Variants in XPC observed in about 807,000 individuals in gnomAD.
XPC encodes the protein DNA repair protein complementing XP-C cells.
A neutral mutation model predicts 95.8 loss-of-function variants in XPC; 76 were observed. That is an observed-to-expected ratio of 0.79 (90% CI 0.66 to 0.96). The LOEUF is 0.96. Ranked by LOEUF, XPC falls within the 40% of genes least tolerant of loss-of-function variation. XPC has a pLI of 0.00. For synonymous variants in XPC, 442 were observed against 442.1 expected (o/e 1.00, Z 0.00); for missense variants, 1,146 against 1,179.8 (o/e 0.97, Z 0.42).
intron 2 of XPC, among the ~76,000 whole-genome samples, chr3:14,170,787 A>C (rs1696580636): frequency 6.6e-6 from 1 of 152,248 alleles, no homozygotes; most frequent in African/African-American, 2.4e-5. Context: ...AAAACCTACA[A>C]TCTAGATCGT....
Position 14,178,601 on chromosome 3 carries a change from T to C in XPC, c.-33A>G. On this transcript the variant is annotated 5_prime_UTR_variant, in exon 1 of 16. Transcript: ENST00000285021. Reference sequence around the variant, plus strand: ...GTCTGGGCAAATTCCACTTCGCGAGTGACGCACCCGGCCGCGATGCGCTAG... The same window carrying C: ...GTCTGGGCAAATTCCACTTCGCGAGCGACGCACCCGGCCGCGATGCGCTAG... 2 of 1,611,510 alleles carry C rather than the reference T, an allele frequency of 1.2e-6. No individual in the cohort carries two copies. The highest frequency in any genetic ancestry group is 1.1e-5 in the South Asian group (1 of 91,046).
At chr3:14,170,173 C>T (rs1696551315) in intron 3 of XPC, among the ~76,000 whole-genome samples, 2 of 152,220 alleles carry the variant, frequency 1.3e-5, no homozygotes, top group Non-Finnish European at 2.9e-5. Context: ...AAAGCCTGTG[C>T]TCCTTCTCCT....
chr3:14,165,335 AG>A (rs1438102587), intron 6 of XPC, 92 bp downstream of exon 6: 9 of 1,437,388 alleles, frequency 6.3e-6, no homozygotes, highest in Non-Finnish European at 8.4e-6. Flanking sequence ...TTACCGCCTC[AG>A]GGAAGGTCTG....
chr3:14,146,504 T>C (rs1559367349), intron 15 of XPC, among the ~76,000 whole-genome samples: 1 of 152,152 alleles, frequency 6.6e-6, no homozygotes. Context: ...CCAAAGCACA[T>C]GATGTCTTGA....
rs759651595 is a variant in XPC, at chr3:14,172,993, C to T, written c.173G>A (p.Arg58Lys). The change falls in exon 2 of 16, where the codon AGA becomes AAA. Residue 58 changes from arginine to lysine, a missense_variant. Coordinates refer to ENST00000285021, the MANE Select transcript of XPC (RefSeq NM_004628.5). ...TGAACCCCCAGGATGACTGCAGCCT[C>T]TTTTCCTCTTTCCTTGTGAAACTTT... Reference protein sequence around the residue: ...LSKVSQGKRKRGCSHPGGSAD... With the variant: ...LSKVSQGKRKKGCSHPGGSAD... 6.2e-7 allele frequency: 1 copy of T among 1,612,802 alleles called. No individual in the cohort carries two copies. Among genetic ancestry groups the T allele is most frequent in the East Asian group, 2.2e-5 (1 of 44,882 alleles).
At position 14,154,589 on chromosome 3, in the gene XPC, T is replaced by C. The variant is rs1272014270; in HGVS notation, c.2033+1746A>G. Among the ~76,000 whole-genome samples, 9 of 152,170 alleles carry C rather than the reference T, an allele frequency of 5.9e-5. No homozygotes were observed. The East Asian group carries it at 1.7e-3, about 29-fold the overall frequency. ...ATGATTCCACCTACATGGGTCCCTA[T>C]AGTAGGCACACTCAGAGACAGAAAG... On this transcript the variant is annotated intron_variant, in intron 10 of 15. Transcript: ENST00000285021.
intron 9 of XPC, among the ~76,000 whole-genome samples, 175 bp from the exon 10 acceptor site, chr3:14,156,670 G>A (rs947307775): frequency 6.6e-6 from 1 of 152,236 alleles, no homozygotes; most frequent in Non-Finnish European, 1.5e-5. Context: ...GTCAGTTACA[G>A]ATCAATCAAA....
chr3:14,153,307 C>T (rs1695772527), intron 10 of XPC: 1 of 152,236 alleles, frequency 6.6e-6, no homozygotes, highest in Non-Finnish European at 1.5e-5. Flanking sequence ...AGACAGTCCC[C>T]AAAGTCCAGT....
At chr3:14,155,051 C>T (rs2125019696) in intron 10 of XPC, among the ~76,000 whole-genome samples, 1 of 152,314 alleles carries the variant, frequency 6.6e-6, no homozygotes, top group East Asian at 1.9e-4. Flanking sequence ...CCCAGGCCCC[C>T]TGCTGCCTTT....
At chr3:14,152,481 A>G (rs1012847803) in intron 10 of XPC, 65 bp from the exon 11 acceptor site, 23 of 1,489,390 alleles carry the variant, frequency 1.5e-5, no homozygotes, top group African/African-American at 2.8e-5. Context: ...AATGCGGGAC[A>G]GTGGAGAGCG....
chr3:14,158,055 A>G lies in XPC; in HGVS notation c.1828T>C (p.Tyr610His), dbSNP rs1482420699. 1.2e-6 allele frequency: 2 copies of G among 1,611,480 alleles called. No homozygotes were observed. Among genetic ancestry groups the G allele is most frequent in the Admixed American group, 3.3e-5 (2 of 59,978 alleles). ...AEWWAETLRPYQSPFMDREKK... is the reference protein window; with the variant it reads ...AEWWAETLRPHQSPFMDREKK... The stretch of plus-strand genomic sequence containing the variant: ...TCCCTGTCCATAAATGGGCTCTGGT[A>G]TGGTCTCAAGGTCTCGGCCCACCAC... The change falls in exon 9 of 16, where the codon TAC (tyrosine) becomes CAC (histidine). Residue 610 changes from tyrosine to histidine, a missense_variant. By Grantham distance (83) the Tyr-to-His change is moderately conservative. Coordinates refer to ENST00000285021, the MANE Select transcript of XPC (RefSeq NM_004628.5). This position sits in a 1 kb window ranked among gnomAD's most constrained non-coding sequence, Gnocchi z 5.2.
chr3:14,154,410 G>A (rs1695818436), intron 10 of XPC, among the ~76,000 whole-genome samples: 1 of 152,206 alleles, frequency 6.6e-6, no homozygotes, highest in Non-Finnish European at 1.5e-5. Flanking sequence ...AGTGCCCATT[G>A]ATGGATGAAG....
Position 14,158,267 on chromosome 3 carries a change from T to A in XPC, c.1616A>T (p.Glu539Val). 2 of 1,614,022 alleles carry A rather than the reference T, an allele frequency of 1.2e-6. No homozygotes were observed. Among genetic ancestry groups the A allele is most frequent in the Non-Finnish European group, 1.7e-6 (2 of 1,179,892 alleles). ...ACAGTCTACACATACCCACTTTTCC[T>A]CCTGCTCACAGAACACCTCTAGCCA... ...DQWLEVFCEQ[E>V]EKWVCVDCVH... The change falls in exon 9 of 16, where the codon GAG (glutamate) becomes GTG (valine). Residue 539 changes from glutamate to valine, a missense_variant. Coordinates refer to ENST00000285021, the MANE Select transcript of XPC (RefSeq NM_004628.5). The surrounding 1 kb of genome is among the most constrained non-coding windows in gnomAD (Gnocchi z 5.2).
intron 9 of XPC, 148 bp downstream of exon 9, chr3:14,157,863 G>T: frequency 8.4e-7 from 1 of 1,188,184 alleles, no homozygotes; most frequent in Non-Finnish European, 1.2e-6. Context: ...GGCAGCAACT[G>T]CCCCAGCTTT....
chr3:14,173,917 T>C (rs1696710959), intron 1 of XPC, among the ~76,000 whole-genome samples: 1 of 152,174 alleles, frequency 6.6e-6, no homozygotes, highest in Non-Finnish European at 1.5e-5. Context: ...CTACCTTTTA[T>C]TGAGGTTCCA....
intron 7 of XPC, among the ~76,000 whole-genome samples, chr3:14,160,552 G>T (rs1574964810): frequency 6.6e-6 from 1 of 152,240 alleles, no homozygotes; most frequent in Admixed American, 6.5e-5. Context: ...TGAGAAAAAT[G>T]ATTGCTTTTG....
chr3:14,162,200 G>A (rs1381745597), intron 7 of XPC, among the ~76,000 whole-genome samples: 2 of 152,148 alleles, frequency 1.3e-5, no homozygotes, highest in African/African-American at 4.8e-5. Flanking sequence ...CTAATAACCA[G>A]ATGGCAATGG....
In XPC at chr3:14,145,329, TA is replaced by T. The variant is rs201882108; in HGVS notation, c.*611del. The T allele has an allele frequency of 8.6e-6, 6 of 698,532 alleles. No individual in the cohort carries two copies. Among genetic ancestry groups the T allele is most frequent in the Middle Eastern group, 3.7e-4 (1 of 2,732 alleles). 43.3% of individuals were successfully genotyped at this position (698,532 alleles called of 1,614,324 possible). On this transcript the variant is annotated 3_prime_UTR_variant, in exon 16 of 16. Coordinates refer to ENST00000285021, the MANE Select transcript of XPC (RefSeq NM_004628.5). ...TTTCTTTCCTGATTTTAGCTTTTTT[TA>T]GGCTTCTGTCACCACAAAATGTTAC... is the stretch of plus-strand genomic sequence containing the variant.
intron 5 of XPC, 159 bp from the exon 6 acceptor site, chr3:14,165,744 T>C (rs1696354115): frequency 2.5e-6 from 2 of 800,082 alleles, no homozygotes; most frequent in East Asian, 2.7e-5. Flanking sequence ...CTTCCCAAGC[T>C]TGTCTTTGAC....
Sources: allele counts gnomAD v4.1 joint callset (sites outside exome capture counted in the v4.1 genomes callset), GRCh38; gene constraint gnomAD v4.1.1; non-coding constraint Gnocchi (gnomAD v3.1); transcripts MANE v1.5; gene names NCBI Gene and HGNC (gene_info 2026-07-23, HGNC 2026-07-21).